The following SAMD4B variants were observed in gnomAD, a reference collection of about 807,000 sequenced individuals.
SAMD4B encodes sterile alpha motif domain containing 4B.
In SAMD4B, 5 loss-of-function variants were observed where a neutral mutation model predicts 74.5. The observed-to-expected ratio is 0.07, with a 90% CI of 0.04 to 0.14. The LOEUF is 0.14. Ranked by LOEUF, SAMD4B falls within the 10% of genes least tolerant of loss-of-function variation. The pLI is 1.00. For missense variants in SAMD4B, 608 were observed against 921.8 expected (o/e 0.66, Z 4.41); for synonymous variants, 373 against 374.9 (o/e 1.00, Z 0.06).
At chr19:39,345,769 C>T (rs543314331) in intron 1 of SAMD4B, among the ~76,000 whole-genome samples, 1 of 152,208 alleles carries the variant, frequency 6.6e-6, no homozygotes, top group African/African-American at 2.4e-5. Flanking sequence ...GAATAAGCAG[C>T]TCTTCCTTCT....
chr19:39,364,171 C>G (rs1211474324), intron 3 of SAMD4B, among the ~76,000 whole-genome samples: 1 of 152,252 alleles, frequency 6.6e-6, no homozygotes, highest in Non-Finnish European at 1.5e-5. Flanking sequence ...TGGGGCTGTT[C>G]TGTCATGTCC....
At chr19:39,345,202 A>G (rs2075621980) in intron 1 of SAMD4B, among the ~76,000 whole-genome samples, 1 of 152,126 alleles carries the variant, frequency 6.6e-6, no homozygotes, top group Non-Finnish European at 1.5e-5. Flanking sequence ...CCCCTGAAAG[A>G]TGCCTCAGGG....
downstream of SAMD4B, chr19:39,386,686 C>T (rs771755813): frequency 1.2e-6 from 2 of 1,609,726 alleles, no homozygotes; most frequent in African/African-American, 1.3e-5. This position sits in a 1 kb window ranked among gnomAD's most constrained non-coding sequence, Gnocchi z 6.1. Context: ...GCCAGTGGTG[C>T]TTGTTACCTG....
chr19:39,366,569 G>A (rs2076974772), intron 3 of SAMD4B, among the ~76,000 whole-genome samples: 1 of 152,198 alleles, frequency 6.6e-6, no homozygotes, highest in Non-Finnish European at 1.5e-5. Context: ...CCAGGAGTTA[G>A]GAACTGTGTG....
intron 7 of SAMD4B, 146 bp from the exon 8 acceptor site, chr19:39,377,339 G>T (rs754379491): frequency 8.6e-5 from 52 of 607,300 alleles, no homozygotes; most frequent in Non-Finnish European, 1.2e-4. Flanking sequence ...TTGTGGGCTT[G>T]CAGTACCCTT....
Position 39,383,176 on chromosome 19 carries a change from T to C in SAMD4B, c.1973-32T>C. 6.3e-7 allele frequency: 1 copy of C among 1,594,362 alleles called. No individual in the cohort carries two copies. The highest frequency in any genetic ancestry group is 8.6e-7 in the Non-Finnish European group (1 of 1,161,968). On this transcript the variant is annotated intron_variant, in intron 12 of 13. Coordinates refer to ENST00000610417, the MANE Select transcript of SAMD4B (RefSeq NM_001384574.2). The surrounding 1 kb of genome is among the most constrained non-coding windows in gnomAD (Gnocchi z 4.1). The stretch of plus-strand genomic sequence containing the variant: ...GTCTTCACCTGAGTCCAGTTGGTCC[T>C]TACCACCCCCATTCTCCTCTCTCCC...
intron 4 of SAMD4B, 111 bp downstream of exon 4, chr19:39,370,236 C>T (rs923190875): frequency 9.3e-7 from 1 of 1,074,762 alleles, no homozygotes. Flanking sequence ...AAGCTGTAGG[C>T]CTCAACTTTA....
chr19:39,385,906 G>C (rs1358382956), downstream of SAMD4B: 9 of 1,561,224 alleles, frequency 5.8e-6, no homozygotes, highest in South Asian at 9.3e-5. Context: ...GAACAAACAA[G>C]TGAAAGGCTC....
intron 4 of SAMD4B, among the ~76,000 whole-genome samples, chr19:39,372,899 G>A (rs1240436799): frequency 6.6e-6 from 1 of 152,168 alleles, no homozygotes; most frequent in African/African-American, 2.4e-5. Context: ...CAGGGCTGAG[G>A]GAGTCTAGAG....
chr19:39,376,166 C>T (rs2077587652), intron 5 of SAMD4B, among the ~76,000 whole-genome samples: 1 of 152,094 alleles, frequency 6.6e-6, no homozygotes, highest in East Asian at 1.9e-4. Context: ...AACAGAGGTT[C>T]CAGCAAGAGT....
chr19:39,380,464 A>C, intron 10 of SAMD4B, 123 bp from the exon 11 acceptor site: 1 of 1,040,558 alleles, frequency 9.6e-7, no homozygotes, highest in South Asian at 1.3e-5. Context: ...AGATGAGGAC[A>C]GAATGTGTGA....
chr19:39,363,135 C>T lies in SAMD4B; in HGVS notation c.196+6046C>T, dbSNP rs374416898. ...GCTCTTAGAGCAGTCTCGATTGGTG[C>T]CTGTAATTTGCCAGGACCCAGGGTC... is the stretch of plus-strand genomic sequence containing the variant. On this transcript the variant is annotated intron_variant, in intron 3 of 13. Transcript: ENST00000610417. Among the ~76,000 whole-genome samples, 56 of 152,224 alleles carry T rather than the reference C, an allele frequency of 3.7e-4. 3 individuals are homozygous for T. In the South Asian group the frequency reaches 9.8e-3, roughly 27 times the overall value.
At chr19:39,365,240 C>T (rs1193628521) in intron 3 of SAMD4B, among the ~76,000 whole-genome samples, 3 of 124,132 alleles carry the variant, frequency 2.4e-5, no homozygotes, top group African/African-American at 3.4e-5. Flanking sequence ...AGCGAGACTC[C>T]GTAAAAAAAA....
Position 39,378,735 on chromosome 19 carries a change from G to A in SAMD4B, c.1530+146G>A, listed in dbSNP as rs536838722. 1.6e-6 allele frequency: 1 copy of A among 615,744 alleles called. No individual in the cohort carries two copies. Among genetic ancestry groups the A allele is most frequent in the South Asian group, 1.9e-5 (1 of 51,970 alleles). 38.1% of individuals were successfully genotyped at this position (615,744 alleles called of 1,614,324 possible). On this transcript the variant is annotated intron_variant, in intron 9 of 13. Coordinates refer to ENST00000610417, the MANE Select transcript of SAMD4B (RefSeq NM_001384574.2). This position sits in a 1 kb window ranked among gnomAD's most constrained non-coding sequence, Gnocchi z 4.4. ...ATCCTGGCTAACACAGTGAAACCCA[G>A]TCTTTACTAAAAATACAAAAAATTA...
chr19:39,383,918 C>T lies in SAMD4B; in HGVS notation c.*391C>T, dbSNP rs192191869. 1.2e-4 allele frequency: 71 copies of T among 583,134 alleles called. No individual in the cohort carries two copies. The highest frequency in any genetic ancestry group is 1.1e-3 in the African/African-American group (60 of 53,796). 36.1% of individuals were successfully genotyped at this position (583,134 alleles called of 1,614,324 possible). On this transcript the variant is annotated 3_prime_UTR_variant, in exon 14 of 14. Coordinates refer to ENST00000610417, the MANE Select transcript of SAMD4B (RefSeq NM_001384574.2). This position sits in a 1 kb window ranked among gnomAD's most constrained non-coding sequence, Gnocchi z 4.1. Reference sequence around the variant, plus strand: ...CAAACTGACCACTACCTTGTGGAGCCTGCTCAGAAACATTTGACATTTGGG... The same window carrying T: ...CAAACTGACCACTACCTTGTGGAGCTTGCTCAGAAACATTTGACATTTGGG...
chr19:39,365,715 A>G (rs949842657), intron 3 of SAMD4B, among the ~76,000 whole-genome samples: 2 of 152,238 alleles, frequency 1.3e-5, no homozygotes, highest in Non-Finnish European at 2.9e-5. Flanking sequence ...ATGAAAAGCA[A>G]TCATTTTTAG....
intron 2 of SAMD4B, among the ~76,000 whole-genome samples, chr19:39,354,515 A>G (rs760336638): frequency 6.6e-6 from 1 of 152,184 alleles, no homozygotes; most frequent in Non-Finnish European, 1.5e-5. Context: ...TATTTATTCA[A>G]TAAATATATA....
downstream of SAMD4B, chr19:39,389,856 A>G (rs970438642): frequency 1.3e-5 from 20 of 1,521,652 alleles, no homozygotes; most frequent in Non-Finnish European, 1.7e-5. The surrounding 1 kb of genome is among the most constrained non-coding windows in gnomAD (Gnocchi z 5.3). Context: ...GGAGGAACTC[A>G]GAATGAAGTG....
chr19:39,388,531 T>A, downstream of SAMD4B: 1 of 1,613,322 alleles, frequency 6.2e-7, no homozygotes, highest in African/African-American at 1.3e-5. Context: ...AACTTCCCAA[T>A]CCCCAAAACT....
Sources: allele counts gnomAD v4.1 joint callset (sites outside exome capture counted in the v4.1 genomes callset), GRCh38; gene constraint gnomAD v4.1.1; non-coding constraint Gnocchi (gnomAD v3.1); transcripts MANE v1.5; gene names NCBI Gene and HGNC (gene_info 2026-07-23, HGNC 2026-07-21).